Variants in KANSL1L observed in about 807,000 individuals in gnomAD.
KANSL1L encodes KAT8 regulatory NSL complex subunit 1-like protein.
In KANSL1L, 25 loss-of-function variants were observed where a neutral mutation model predicts 108.6. The ratio of observed to expected loss-of-function variants is 0.23; its 90% confidence interval spans 0.17 to 0.32. The LOEUF is 0.32. Ranked by LOEUF, KANSL1L falls within the 10% of genes least tolerant of loss-of-function variation. KANSL1L has a pLI of 1.00. For synonymous variants in KANSL1L, 405 were observed against 395.1 expected, an observed-to-expected ratio of 1.03 and a Z score of -0.30; for missense variants, 1,137 against 1,125.7, an observed-to-expected ratio of 1.01 and a Z score of -0.14.
At chr2:210,066,200 T>C (rs1444590840) in intron 6 of KANSL1L, among the ~76,000 whole-genome samples, 1 of 152,156 alleles carries the variant, frequency 6.6e-6, no homozygotes, top group Non-Finnish European at 1.5e-5. Context: ...TATTTGCATT[T>C]TGGGAGGCAC....
chr2:210,139,687 T>C (rs973029966), intron 2 of KANSL1L, among the ~76,000 whole-genome samples: 1 of 152,066 alleles, frequency 6.6e-6, no homozygotes, highest in African/African-American at 2.4e-5. Context: ...GTGTTGGCCA[T>C]TTGTATATCT....
intron 2 of KANSL1L, among the ~76,000 whole-genome samples, chr2:210,137,680 A>C (rs1334599506): frequency 6.6e-6 from 1 of 152,214 alleles, no homozygotes; most frequent in African/African-American, 2.4e-5. Flanking sequence ...CATAAAATTT[A>C]AATACAATCA....
intron 3 of KANSL1L, among the ~76,000 whole-genome samples, chr2:210,121,707 A>G (rs775262418): frequency 6.6e-6 from 1 of 152,200 alleles, no homozygotes; most frequent in Non-Finnish European, 1.5e-5. Flanking sequence ...TTAAAAAAGA[A>G]AAAGAAATAA....
At chr2:210,125,581 A>C (rs2095059000) in intron 3 of KANSL1L, among the ~76,000 whole-genome samples, 1 of 152,208 alleles carries the variant, frequency 6.6e-6, no homozygotes, top group African/African-American at 2.4e-5. Flanking sequence ...AAAATTAGCA[A>C]GCCAAATTCA....
intron 6 of KANSL1L, among the ~76,000 whole-genome samples, chr2:210,069,544 A>T (rs1324860573): frequency 6.6e-6 from 1 of 152,060 alleles, no homozygotes; most frequent in Non-Finnish European, 1.5e-5. Flanking sequence ...GCCATAATAA[A>T]TTACCATAAG....
chr2:210,116,016 C>G (rs2094950463), intron 3 of KANSL1L, among the ~76,000 whole-genome samples: 1 of 152,108 alleles, frequency 6.6e-6, no homozygotes, highest in Non-Finnish European at 1.5e-5. Context: ...GGTAAAGCAC[C>G]AAGCATTTCT....
chr2:210,056,572 C>G (rs1170173384), intron 6 of KANSL1L, among the ~76,000 whole-genome samples: 1 of 152,074 alleles, frequency 6.6e-6, no homozygotes, highest in Non-Finnish European at 1.5e-5. Flanking sequence ...CCTCTGCCTC[C>G]CTGGTTCAAG....
upstream of KANSL1L, chr2:210,171,476 A>G (rs1688336426): frequency 1.3e-5 from 2 of 154,408 alleles, no homozygotes; most frequent in African/African-American, 2.4e-5. Flanking sequence ...ATGCAAATGA[A>G]GCGGGTGGCG....
At chr2:210,146,854 T>A (rs983175291) in intron 2 of KANSL1L, among the ~76,000 whole-genome samples, 2 of 152,218 alleles carry the variant, frequency 1.3e-5, no homozygotes, top group African/African-American at 4.8e-5. Context: ...TATAATAATA[T>A]CTTAATTTTT....
intron 3 of KANSL1L, among the ~76,000 whole-genome samples, chr2:210,117,574 G>A (rs892642154): frequency 1.3e-5 from 2 of 152,174 alleles, no homozygotes; most frequent in African/African-American, 4.8e-5. Flanking sequence ...CCTTACAGGT[G>A]AGGAGTGAGT....
At chr2:210,089,371 C>A (rs2094670397) in intron 5 of KANSL1L, among the ~76,000 whole-genome samples, 1 of 152,066 alleles carries the variant, frequency 6.6e-6, no homozygotes, top group Admixed American at 6.6e-5. Context: ...AAGAGCAAAA[C>A]AGTGATGTTA....
intron 6 of KANSL1L, among the ~76,000 whole-genome samples, chr2:210,049,972 G>C (rs893853373): frequency 2.0e-5 from 3 of 152,180 alleles, no homozygotes; most frequent in African/African-American, 7.2e-5. Context: ...GTTGCATGGT[G>C]GTATATACCC....
At chr2:210,141,740 C>T (rs570525064) in intron 2 of KANSL1L, among the ~76,000 whole-genome samples, 12 of 152,286 alleles carry the variant, frequency 7.9e-5, no homozygotes, top group Admixed American at 3.9e-4. Flanking sequence ...GGTAGAGGTA[C>T]ATTCCTTCGA....
chr2:210,142,999 G>A (rs1295235477), intron 2 of KANSL1L, among the ~76,000 whole-genome samples: 1 of 148,232 alleles, frequency 6.7e-6, no homozygotes, highest in Admixed American at 6.6e-5. Flanking sequence ...GCTTCCTTTT[G>A]ATTTTGTCTG....
intron 1 of KANSL1L, among the ~76,000 whole-genome samples, chr2:210,156,383 G>A (rs2095333288): frequency 6.6e-6 from 1 of 151,664 alleles, no homozygotes; most frequent in African/African-American, 2.4e-5. Flanking sequence ...TTTACCAAAG[G>A]GTAATGTTCA....
Position 210,153,984 on chromosome 2 carries a change from ATTTTC to A in KANSL1L, c.594_598del (p.Lys198AsnfsTer11). On this transcript the variant is annotated frameshift_variant, in exon 2 of 15. Coordinates refer to ENST00000281772, the MANE Select transcript of KANSL1L (RefSeq NM_152519.4). LOFTEE classifies it high-confidence loss of function. The stretch of plus-strand genomic sequence containing the variant: ...AGGCACATTTGAGTGGCCAGGTACA[ATTTTC>A]TTTTGAGTACAGTGCAATAAACCCT... 2 of 1,613,694 alleles carry A rather than the reference ATTTTC, an allele frequency of 1.2e-6. No individual in the cohort carries two copies. The highest frequency in any genetic ancestry group is 1.7e-6 in the Non-Finnish European group (2 of 1,179,994).
chr2:210,089,876 A>G (rs2094676199), intron 5 of KANSL1L, among the ~76,000 whole-genome samples: 1 of 152,128 alleles, frequency 6.6e-6, no homozygotes, highest in Admixed American at 6.6e-5. Flanking sequence ...CCAAGAGATG[A>G]CGGAAAAATA....
intron 3 of KANSL1L, among the ~76,000 whole-genome samples, chr2:210,105,408 A>T (rs1237435718): frequency 6.7e-6 from 1 of 148,364 alleles, no homozygotes; most frequent in Non-Finnish European, 1.5e-5. Flanking sequence ...ATGCTAATAA[A>T]TTCCTATAGG....
At chr2:210,090,805 T>A (rs905122724) in intron 5 of KANSL1L, among the ~76,000 whole-genome samples, 2 of 152,130 alleles carry the variant, frequency 1.3e-5, no homozygotes, top group Non-Finnish European at 1.5e-5. Context: ...AGTCTTGGGA[T>A]TACAGGCATG....
Sources: gnomAD v4.1 joint callset for allele counts (sites outside exome capture counted in the v4.1 genomes callset) on GRCh38, gnomAD v4.1.1 for gene constraint, MANE v1.5 for transcripts, NCBI Gene and HGNC (gene_info 2026-07-23, HGNC 2026-07-21) for gene names.